The following ITGAE variants were observed in gnomAD, a reference collection of about 807,000 sequenced individuals.
ITGAE encodes the protein integrin alpha-E.
In ITGAE, 99 loss-of-function variants were observed where a neutral mutation model predicts 136.5. The observed-to-expected ratio is 0.73, with a 90% CI of 0.62 to 0.86. The LOEUF (loss-of-function observed/expected upper bound fraction) is 0.86. ITGAE is among the 40% of genes least tolerant of loss of function. ITGAE has a pLI of 0.00. For missense variants in ITGAE, 1,447 were observed against 1,515.3 expected (o/e 0.95, Z 0.75); for synonymous variants, 613 against 591.8 (o/e 1.04, Z -0.52).
Position 3,723,702 on chromosome 17 carries a change from A to G in ITGAE, c.3127T>C (p.Tyr1043His), listed in dbSNP as rs1356406687. The change falls in exon 27 of 31, where the codon TAC becomes CAC. Residue 1043 changes from tyrosine to histidine, a missense_variant. By Grantham distance (83) the Tyr-to-His change is moderately conservative (BLOSUM62 2). Around this residue, in one of 3 missense-constraint regions of ITGAE, gnomAD observed 1,031 missense variants for 1,011.4 expected, o/e 1.02. Coordinates refer to ENST00000263087, the MANE Select transcript of ITGAE (RefSeq NM_002208.5). ...GCCGCGCTTACCTGAACCGAACTGT[A>G]CGCACAAGCGCGCTCCTGACTCCAG... Reference protein sequence around the residue: ...CTWSQERACAYSSVQHVEEWH... With the variant: ...CTWSQERACAHSSVQHVEEWH... The G allele has an allele frequency of 6.2e-7, 1 of 1,601,932 alleles. No individual in the cohort carries two copies. The highest frequency in any genetic ancestry group is 1.3e-5 in the African/African-American group (1 of 74,780).
rs2053172680 is a variant in ITGAE at position 3,798,376 on chromosome 17, A to C, written c.34+2735T>G. ...TGGGGCGGGGCTGGAAGGGAAAGCAACACCAGAGGAGACAATCTCCTGCTC... is the reference window on the plus strand; with the variant it reads ...TGGGGCGGGGCTGGAAGGGAAAGCACCACCAGAGGAGACAATCTCCTGCTC... On this transcript the variant is annotated intron_variant, in intron 1 of 30. Coordinates refer to ENST00000263087, the MANE Select transcript of ITGAE (RefSeq NM_002208.5). The surrounding 1 kb of genome is among the most constrained non-coding windows in gnomAD (Gnocchi z 4.3). 6.6e-6 allele frequency among the ~76,000 whole-genome samples: 1 copy of C among 152,124 alleles called. No individual in the cohort carries two copies. The highest frequency in any genetic ancestry group is 6.5e-5 in the Admixed American group (1 of 15,278).
rs1567565760 is a variant in ITGAE at position 3,796,148 on chromosome 17, C to CGTGTGTGTGTGCATCCGTGTGT, written c.34+4962_34+4963insACACACGGATGCACACACACAC. Among the ~76,000 whole-genome samples, 70 of 130,380 alleles carry CGTGTGTGTGTGCATCCGTGTGT rather than the reference C, an allele frequency of 5.4e-4. 2 individuals are homozygous for CGTGTGTGTGTGCATCCGTGTGT. Among genetic ancestry groups the CGTGTGTGTGTGCATCCGTGTGT allele is most frequent in the Non-Finnish European group, 9.2e-4 (57 of 61,878 alleles). The allele number at this position is 130,380 out of a possible 152,430, so 85.5% of individuals were successfully genotyped here. A position where few individuals can be genotyped will look rare whatever the true frequency, so the allele number is the denominator to read the frequency against. The stretch of plus-strand genomic sequence containing the variant: ...GTGTGTGCATCCATGTGTGTGCATC[C>CGTGTGTGTGTGCATCCGTGTGT]GTGTGTGTGTGTGTGTGCATCCGTG... On this transcript the variant is annotated intron_variant, in intron 1 of 30. Coordinates refer to ENST00000263087, the MANE Select transcript of ITGAE (RefSeq NM_002208.5).
chr17:3,734,651 C>T (rs1265783599), intron 21 of ITGAE, among the ~76,000 whole-genome samples, 166 bp downstream of exon 21: 1 of 152,188 alleles, frequency 6.6e-6, no homozygotes, highest in East Asian at 1.9e-4. Context: ...CCTCGGGAGG[C>T]ATGGAGCCGG....
chr17:3,738,306 GATTA>G lies in ITGAE; in HGVS notation c.2522+1495_2522+1498del, dbSNP rs386794659. ...CTGCCTCAGCCTGCCCAGTAGCTGT[GATTA>G]CAGGCGCCCACCACCATGCCCAGCT... On this transcript the variant is annotated intron_variant, in intron 20 of 30. Coordinates refer to ENST00000263087, the MANE Select transcript of ITGAE (RefSeq NM_002208.5). 5.8e-3 allele frequency among the ~76,000 whole-genome samples: 886 copies of G among 151,984 alleles called. 12 individuals are homozygous for G. Among genetic ancestry groups the G allele is most frequent in the African/African-American group, 0.021 (850 of 41,444 alleles).
chr17:3,777,694 G>C, intron 1 of ITGAE, 34 bp from the exon 2 acceptor site: 1 of 1,581,348 alleles, frequency 6.3e-7, no homozygotes, highest in Non-Finnish European at 8.6e-7. Context: ...AATGAAAGAG[G>C]CCTTTTACTC....
At chr17:3,761,563 C>G in intron 4 of ITGAE, 43 bp from the exon 5 acceptor site, 1 of 1,532,954 alleles carries the variant, frequency 6.5e-7, no homozygotes, top group African/African-American at 1.4e-5. Context: ...AGGTCACCTC[C>G]CGATTCCCGA....
Position 3,723,724 on chromosome 17 carries a change from C to T in ITGAE, c.3105G>A (p.Trp1035Ter), listed in dbSNP as rs1189962713. The change falls in exon 27 of 31, where the codon TGG (tryptophan) becomes TGA (stop). Residue 1035 changes from tryptophan (W) to a stop codon, truncating the protein, a stop_gained. Coordinates refer to ENST00000263087, the MANE Select transcript of ITGAE (RefSeq NM_002208.5). LOFTEE classifies it high-confidence loss of function. ...TGTACGCACAAGCGCGCTCCTGACT[C>T]CAGGTGCACACCGTGGAGGCCTGAA... Reference protein sequence around the residue: ...TRTQASTVCTWSQERACAYSS... With the variant: ...TRTQASTVCT The T allele has an allele frequency of 6.2e-7, 1 of 1,606,320 alleles. No individual in the cohort carries two copies. Among genetic ancestry groups the T allele is most frequent in the Non-Finnish European group, 8.5e-7 (1 of 1,176,476 alleles).
At chr17:3,763,139 C>T (rs1224149215) in intron 3 of ITGAE, among the ~76,000 whole-genome samples, 4 of 152,100 alleles carry the variant, frequency 2.6e-5, no homozygotes, top group East Asian at 3.9e-4. Flanking sequence ...ATGATCTACC[C>T]GCCTTGGCCT....
intron 24 of ITGAE, 163 bp from the exon 25 acceptor site, chr17:3,728,331 G>T (rs1427501764): frequency 8.6e-6 from 5 of 583,138 alleles, no homozygotes; most frequent in Non-Finnish European, 1.2e-5. Flanking sequence ...GCCTGGGAAA[G>T]TGTTGGGATG....
rs199640540 is a variant in ITGAE, at chr17:3,727,934, C to G, written c.3069G>C (p.Lys1023Asn). ...LRGLQVVAVK[K>N]LTRTQASTVC... ...CTTTAAATACCTGAGTCCTCGTCAGCTTCTTCACTGCTACAACCTGGAGAC... is the reference window on the plus strand; with the variant it reads ...CTTTAAATACCTGAGTCCTCGTCAGGTTCTTCACTGCTACAACCTGGAGAC... The change falls in exon 26 of 31, where the codon AAG (lysine) becomes AAC (asparagine). Residue 1023 changes from lysine to asparagine, a missense_variant. Around this residue, in one of 3 missense-constraint regions of ITGAE, gnomAD observed 1,031 missense variants for 1,011.4 expected, o/e 1.02. Transcript: ENST00000263087. 26 of 1,612,272 alleles carry G rather than the reference C, an allele frequency of 1.6e-5. No individual in the cohort carries two copies. The highest frequency in any genetic ancestry group is 2.0e-5 in the Non-Finnish European group (24 of 1,178,290).
intron 11 of ITGAE, among the ~76,000 whole-genome samples, chr17:3,755,484 C>T (rs1301331199): frequency 1.3e-5 from 2 of 152,340 alleles, no homozygotes; most frequent in South Asian, 2.1e-4. Context: ...AAGCAAGCAG[C>T]TTGGTTGATA....
Position 3,727,925 on chromosome 17 carries a change from C to T in ITGAE, c.3078G>A (p.Arg1026=). 1 of 1,607,406 alleles carries T rather than the reference C, an allele frequency of 6.2e-7. No homozygotes were observed. The highest frequency in any genetic ancestry group is 1.3e-5 in the African/African-American group (1 of 74,784). The change falls in exon 26 of 31, where the codon AGG becomes AGA. Residue 1026 remains arginine, a synonymous_variant. Transcript: ENST00000263087. ...AAGAACTGCCTTTAAATACCTGAGT[C>T]CTCGTCAGCTTCTTCACTGCTACAA... ...LQVVAVKKLT[R]TQASTVCTWS...
At chr17:3,723,650 T>C in intron 27 of ITGAE, 38 bp downstream of exon 27, 3 of 1,538,164 alleles carry the variant, frequency 2.0e-6, no homozygotes, top group African/African-American at 2.8e-5. Flanking sequence ...CTTCAGGCCC[T>C]CCGCCCTCCC....
chr17:3,743,774 C>T (rs976496502), intron 18 of ITGAE, among the ~76,000 whole-genome samples, 157 bp from the exon 19 acceptor site: 1 of 141,512 alleles, frequency 7.1e-6, no homozygotes, highest in Non-Finnish European at 1.5e-5. Context: ...GTGATCTCGG[C>T]TCACTGCAAC....
intron 1 of ITGAE, among the ~76,000 whole-genome samples, chr17:3,786,559 T>C (rs775357644): frequency 2.0e-5 from 3 of 152,122 alleles, no homozygotes; most frequent in Non-Finnish European, 4.4e-5. Flanking sequence ...ACAAAAATGC[T>C]GCACAAAATT....
chr17:3,723,778 C>G (rs1422115363), intron 26 of ITGAE, 34 bp from the exon 27 acceptor site: 4 of 1,601,214 alleles, frequency 2.5e-6, no homozygotes, highest in African/African-American at 1.3e-5. Context: ...ACGCGCTGAA[C>G]AAACCAAGCC....
At chr17:3,751,080 G>A (rs754028800) in intron 15 of ITGAE, among the ~76,000 whole-genome samples, 17 of 152,152 alleles carry the variant, frequency 1.1e-4, no homozygotes, top group Non-Finnish European at 8.8e-5. Context: ...GGTTTCCGGT[G>A]TGGGGTGTGG....
chr17:3,777,674 A>G lies in ITGAE; in HGVS notation c.35-14T>C, dbSNP rs375905233. 6.3e-7 allele frequency: 1 copy of G among 1,597,974 alleles called. No homozygotes were observed. The highest frequency in any genetic ancestry group is 1.8e-5 in the Admixed American group (1 of 56,236). ...GCAGGGCCAGGCCTGTAGGGAAAAGAGGAGCGTTTAATGAAAGAGGCCTTT... is the reference window on the plus strand; with the variant it reads ...GCAGGGCCAGGCCTGTAGGGAAAAGGGGAGCGTTTAATGAAAGAGGCCTTT... On this transcript the variant is annotated splice_polypyrimidine_tract_variant and intron_variant, in intron 1 of 30. Transcript: ENST00000263087.
rs2051697154 is a variant in ITGAE at position 3,745,756 on chromosome 17, T to A, written c.2319+8A>T. ...CCTCCTGACTCCCATCCAAACTCCGTCACTTACCTCTCCCTCTGTGGGCAT... is the reference window on the plus strand; with the variant it reads ...CCTCCTGACTCCCATCCAAACTCCGACACTTACCTCTCCCTCTGTGGGCAT... On this transcript the variant is annotated splice_region_variant and intron_variant, in intron 18 of 30. Coordinates refer to ENST00000263087, the MANE Select transcript of ITGAE (RefSeq NM_002208.5). The A allele has an allele frequency of 4.3e-6, 7 of 1,613,452 alleles. No individual in the cohort carries two copies. The highest frequency in any genetic ancestry group is 5.9e-6 in the Non-Finnish European group (7 of 1,179,702).
Sources: gnomAD v4.1 joint callset for allele counts (sites outside exome capture counted in the v4.1 genomes callset) on GRCh38, gnomAD v4.1.1 for gene constraint, gnomAD v4.1.1 regional missense constraint, Gnocchi (gnomAD v3.1) non-coding constraint, MANE v1.5 for transcripts, NCBI Gene and HGNC (gene_info 2026-07-23, HGNC 2026-07-21) for gene names.